The following DGKZ variants were observed in gnomAD, a reference collection of about 807,000 sequenced individuals.
The protein encoded by DGKZ is diacylglycerol kinase zeta.
DGKZ carries 45 observed loss-of-function variants against 142.5 expected under a neutral mutation model. The observed-to-expected ratio is 0.32, with a 90% CI of 0.25 to 0.40. The LOEUF (loss-of-function observed/expected upper bound fraction) is 0.40. Ranked by LOEUF, DGKZ falls within the 10% of genes least tolerant of loss-of-function variation. The pLI is 1.00. For missense variants in DGKZ, 755 were observed against 1,306.5 expected, an observed-to-expected ratio of 0.58 and a Z score of 6.51; for synonymous variants, 442 against 527.0, an observed-to-expected ratio of 0.84 and a Z score of 2.21.
chr11:46,347,307 C>G (rs1042423402), upstream of DGKZ: 10 of 985,046 alleles, frequency 1.0e-5, 1 homozygote, highest in African/African-American at 1.6e-4. The surrounding 1 kb of genome is among the most constrained non-coding windows in gnomAD (Gnocchi z 6.4). Context: ...CCATTCGTCG[C>G]CCCGCCCCTC....
upstream of DGKZ, among the ~76,000 whole-genome samples, chr11:46,346,185 A>G (rs775804266): frequency 5.9e-5 from 9 of 152,234 alleles, no homozygotes; most frequent in Non-Finnish European, 1.3e-4. Context: ...CGCAGGTCAC[A>G]GCCCTAAGCA....
chr11:46,374,112 T>C, intron 14 of DGKZ, 45 bp from the exon 15 acceptor site: 1 of 1,591,430 alleles, frequency 6.3e-7, no homozygotes, highest in Non-Finnish European at 8.6e-7. Flanking sequence ...AGCGGGGACA[T>C]TTGTGAGGCC....
intron 1 of DGKZ, among the ~76,000 whole-genome samples, chr11:46,339,176 C>T (rs1940159688): frequency 6.6e-6 from 1 of 152,240 alleles, no homozygotes; most frequent in African/African-American, 2.4e-5. Context: ...GGGTCCACGA[C>T]TCCTCAAGGG....
chr11:46,345,631 C>G (rs891537873), upstream of DGKZ: 6 of 1,458,594 alleles, frequency 4.1e-6, no homozygotes, highest in African/African-American at 6.0e-5. This position sits in a 1 kb window ranked among gnomAD's most constrained non-coding sequence, Gnocchi z 4.1. Flanking sequence ...ACCTCTGTCC[C>G]TCTATGAGCC....
exon 14 of DGKZ, chr11:46,373,036 G>A: frequency 6.5e-7 from 1 of 1,542,766 alleles, no homozygotes; most frequent in Non-Finnish European, 8.7e-7. Context: ...GGACCGCTGG[G>A]ACCTCCACGC....
At chr11:46,376,430 G>C (rs368176560) in intron 23 of DGKZ, 33 bp downstream of exon 23, 1 of 1,614,036 alleles carries the variant, frequency 6.2e-7, no homozygotes, top group Non-Finnish European at 8.5e-7. Context: ...AAGCTGTTTC[G>C]TGTTCCCTCC....
At chr11:46,358,667 T>C (rs1942302957) in intron 1 of DGKZ, among the ~76,000 whole-genome samples, 2 of 152,248 alleles carry the variant, frequency 1.3e-5, no homozygotes, top group African/African-American at 4.8e-5. Flanking sequence ...ACCTCATCTC[T>C]ACATATATTT....
upstream of DGKZ, among the ~76,000 whole-genome samples, chr11:46,342,881 T>C (rs535829381): frequency 6.6e-6 from 1 of 152,266 alleles, no homozygotes; most frequent in East Asian, 1.9e-4. Context: ...CCCAGGACTT[T>C]GGGAGGCCAA....
At chr11:46,378,159 G>T (rs1467461711) in intron 25 of DGKZ, 39 bp from the exon 26 acceptor site, 1 of 1,597,824 alleles carries the variant, frequency 6.3e-7, no homozygotes, top group South Asian at 1.1e-5. Context: ...CAGCTGGCCT[G>T]TGCCGTAGCC....
At chr11:46,355,507 T>A (rs947339670) in intron 1 of DGKZ, among the ~76,000 whole-genome samples, 1 of 152,188 alleles carries the variant, frequency 6.6e-6, no homozygotes, top group South Asian at 2.1e-4. Flanking sequence ...GAGACGAGGG[T>A]GGGCATTAGC....
At position 46,367,023 on chromosome 11, in the gene DGKZ, C is replaced by T. The variant is rs1943388689; in HGVS notation, c.162-268C>T. 1 of 1,481,340 alleles carries T rather than the reference C, an allele frequency of 6.8e-7. No individual in the cohort carries two copies. The highest frequency in any genetic ancestry group is 8.9e-7 in the Non-Finnish European group (1 of 1,121,680). The allele number at this position is 1,481,340 out of a possible 1,614,324, so 91.8% of individuals were successfully genotyped here. On this transcript the variant is annotated intron_variant, in intron 1 of 30. Transcript: ENST00000527911. This position sits in a 1 kb window ranked among gnomAD's most constrained non-coding sequence, Gnocchi z 4.1. ...TGGCCAGCAGGGCGAGTGGTGTGAC[C>T]TCCTGTGGGTCTGGCCTGGGCATGG... is the stretch of plus-strand genomic sequence containing the variant.
chr11:46,337,604 G>T (rs530906448), intron 1 of DGKZ, among the ~76,000 whole-genome samples: 1 of 152,134 alleles, frequency 6.6e-6, no homozygotes, highest in South Asian at 2.1e-4. Context: ...CCTTAAAATG[G>T]ATTCTAAAGC....
At position 46,379,272 on chromosome 11, in the gene DGKZ, C is replaced by G. The variant is rs369357982; in HGVS notation, c.2573+36C>G. On this transcript the variant is annotated intron_variant, in intron 29 of 30. Transcript: ENST00000527911. ...GGGCAGTGCAGAACCGTGGTCACCC[C>G]GGAAACCACCCTTTTCCCCACCCCT... The G allele has an allele frequency of 3.7e-6, 6 of 1,612,222 alleles. No homozygotes were observed. In the African/African-American group the frequency reaches 6.7e-5, roughly 18 times the overall value.
At chr11:46,377,376 G>A in intron 25 of DGKZ, 164 bp downstream of exon 25, 2 of 1,325,220 alleles carry the variant, frequency 1.5e-6, no homozygotes, top group Non-Finnish European at 2.0e-6. Flanking sequence ...TGGTTCTGTG[G>A]GGAAGCGGCC....
At chr11:46,336,165 G>A (rs1263692661) in intron 1 of DGKZ, among the ~76,000 whole-genome samples, 1 of 152,232 alleles carries the variant, frequency 6.6e-6, no homozygotes, top group Non-Finnish European at 1.5e-5. Context: ...CGGGGGCTTT[G>A]GCAGGACACT....
intron 1 of DGKZ, chr11:46,366,110 A>G (rs1429770340): frequency 8.7e-6 from 12 of 1,387,038 alleles, no homozygotes; most frequent in Non-Finnish European, 1.1e-5. Flanking sequence ...TTCCCTTCTC[A>G]TGGGGCAGAG....
At chr11:46,364,094 A>T (rs1334283846) in intron 1 of DGKZ, among the ~76,000 whole-genome samples, 1 of 152,088 alleles carries the variant, frequency 6.6e-6, no homozygotes, top group African/African-American at 2.4e-5. Flanking sequence ...ATTATTCCCT[A>T]TCTGGTTCCC....
intron 1 of DGKZ, chr11:46,366,710 C>T: frequency 6.4e-7 from 1 of 1,559,652 alleles, no homozygotes; most frequent in South Asian, 1.2e-5. Flanking sequence ...CGCCCAGCCG[C>T]TGTTGCCCCT....
intron 6 of DGKZ, 130 bp downstream of exon 6, chr11:46,370,139 G>A: frequency 8.9e-7 from 1 of 1,129,474 alleles, no homozygotes; most frequent in South Asian, 1.3e-5. Context: ...CCTCAGCCTG[G>A]CTGCAGTGCC....
Sources: gnomAD v4.1 joint callset for allele counts (sites outside exome capture counted in the v4.1 genomes callset) on GRCh38, gnomAD v4.1.1 for gene constraint, Gnocchi (gnomAD v3.1) non-coding constraint, MANE v1.5 for transcripts, NCBI Gene and HGNC (gene_info 2026-07-23, HGNC 2026-07-21) for gene names.